RGL3: variants seen among roughly 807,000 people sequenced by gnomAD.
RGL3 encodes the protein ral guanine nucleotide dissociation stimulator-like 3.
Under a neutral mutation model 90.6 loss-of-function variants are expected in RGL3, and 85 were observed. The observed-to-expected ratio is 0.94, with a 90% CI of 0.79 to 1.12. The LOEUF (loss-of-function observed/expected upper bound fraction) is 1.12. Ranked by LOEUF, RGL3 falls within the 50% of genes most tolerant of loss-of-function variation. The pLI is 0.00. For missense variants in RGL3, 1,034 were observed against 939.2 expected (o/e 1.10, Z -1.32); for synonymous variants, 408 against 385.5 (o/e 1.06, Z -0.68).
intron 5 of RGL3, among the ~76,000 whole-genome samples, chr19:11,411,760 C>A (rs556429081): frequency 2.2e-4 from 34 of 152,162 alleles, no homozygotes; most frequent in Middle Eastern, 6.8e-3. Flanking sequence ...GCAGCTGGGA[C>A]TATAGGCAGT....
intron 9 of RGL3, among the ~76,000 whole-genome samples, chr19:11,403,758 G>A (rs1968722585): frequency 1.3e-5 from 2 of 152,108 alleles, no homozygotes. Context: ...ATGAGAGGTG[G>A]GGCTTGTGGG....
At chr19:11,408,886 G>A (rs1426666250) in intron 5 of RGL3, 1 of 151,996 alleles carries the variant, frequency 6.6e-6, no homozygotes, top group African/African-American at 2.4e-5. Flanking sequence ...CTTTAAGAAA[G>A]GAAGAAGGGG....
chr19:11,397,533 A>T lies in RGL3; in HGVS notation c.1811T>A (p.Ile604Asn). Residue 604 changes from isoleucine to asparagine, a missense_variant, in exon 17 of 19, where the codon ATC becomes AAC. By Grantham distance (149) the Ile-to-Asn change is moderately radical. Transcript: ENST00000380456. ...CGAGCTCTGCTGCGCCGGGAGGGGG[A>T]TTCGAGGGCTGCCCAGAGGCAAAGC... ...PFALPLGSPR[I>N]PLPAQQSSEA... 6.2e-7 allele frequency: 1 copy of T among 1,612,198 alleles called. No homozygotes were observed. The highest frequency in any genetic ancestry group is 8.5e-7 in the Non-Finnish European group (1 of 1,179,294).
Position 11,397,244 on chromosome 19 carries a change from C to A in RGL3, c.2014G>T (p.Val672Leu). Residue 672 changes from valine to leucine, a missense_variant and splice_region_variant, in exon 18 of 19, where the codon GTG becomes TTG. Physicochemically the swap from Val to Leu is conservative, Grantham distance 32. Transcript: ENST00000380456. ...QLFQVLPGDR[V>L]LLIPDNANVF... ...TGAGCTCCAACCCATCCCTGCTCAC[C>A]CCGGTCCCCAGGAAGGACTTGAAAG... 1 of 1,613,674 alleles carries A rather than the reference C, an allele frequency of 6.2e-7. No homozygotes were observed. The highest frequency in any genetic ancestry group is 1.1e-5 in the South Asian group (1 of 91,048).
rs759030377 is a variant in RGL3, at chr19:11,397,486, T to G, written c.1858A>C (p.Ser620Arg). The change falls in exon 17 of 19, where the codon AGC (serine) becomes CGC (arginine). Residue 620 changes from serine to arginine, a missense_variant. Transcript: ENST00000380456. ...AGGTTCCCGTGGTCATTGTCGATGCTGACGCGGATGACACGGGCCTCCGAG... is the reference window on the plus strand; with the variant it reads ...AGGTTCCCGTGGTCATTGTCGATGCGGACGCGGATGACACGGGCCTCCGAG... Reference protein sequence around the residue: ...QSSEARVIRVSIDNDHGNLYR... With the variant: ...QSSEARVIRVRIDNDHGNLYR... The G allele has an allele frequency of 6.2e-7, 1 of 1,613,430 alleles. No individual in the cohort carries two copies. Among genetic ancestry groups the G allele is most frequent in the East Asian group, 2.2e-5 (1 of 44,850 alleles).
rs544300968 is a variant in RGL3, at chr19:11,394,189, G to A, written c.*213C>T. ...CCTCTTTCTACATTTATGGGATTGA[G>A]CTCTCCACCAGCCACCCATGGGCTG... On this transcript the variant is annotated 3_prime_UTR_variant, in exon 19 of 19. Transcript: ENST00000380456. 1 of 536,850 alleles carries A rather than the reference G, an allele frequency of 1.9e-6. No homozygotes were observed. Among genetic ancestry groups the A allele is most frequent in the East Asian group, 3.2e-5 (1 of 31,464 alleles). 33.3% of individuals were successfully genotyped at this position (536,850 alleles called of 1,614,324 possible). A position where few individuals can be genotyped will look rare whatever the true frequency, so the allele number is the denominator to read the frequency against.
chr19:11,407,389 A>T (rs905065629), intron 5 of RGL3, among the ~76,000 whole-genome samples: 9 of 151,992 alleles, frequency 5.9e-5, no homozygotes, highest in Admixed American at 1.3e-4. Flanking sequence ...CCAGTGAGGG[A>T]GGTACTATTA....
At chr19:11,398,959 G>A (rs528321308) in intron 16 of RGL3, among the ~76,000 whole-genome samples, 3 of 152,190 alleles carry the variant, frequency 2.0e-5, no homozygotes, top group East Asian at 3.9e-4. Flanking sequence ...GTGAGCCACC[G>A]TGCCCAGTCT....
At chr19:11,413,934 G>A (rs1032679269) in intron 5 of RGL3, among the ~76,000 whole-genome samples, 1 of 148,246 alleles carries the variant, frequency 6.7e-6, no homozygotes, top group African/African-American at 2.5e-5. Flanking sequence ...TTTTAGTAGA[G>A]ACGGGGTTTC....
intron 5 of RGL3, among the ~76,000 whole-genome samples, chr19:11,412,109 C>T (rs1211960103): frequency 2.0e-5 from 3 of 151,840 alleles, no homozygotes; most frequent in Admixed American, 2.0e-4. Context: ...GAGAAACCCC[C>T]CTCTCTACTA....
chr19:11,405,559 C>T lies in RGL3; in HGVS notation c.997-133G>A, dbSNP rs1369138694. ...TTTTTTGAGAGATAGGGTCTGTGGCCCAGGCTGGAGTGCAGTGGCTCGATC... is the reference window on the plus strand; with the variant it reads ...TTTTTTGAGAGATAGGGTCTGTGGCTCAGGCTGGAGTGCAGTGGCTCGATC... On this transcript the variant is annotated intron_variant, in intron 7 of 18. Transcript: ENST00000380456. 1.7e-5 allele frequency: 12 copies of T among 726,736 alleles called. 1 individual carries two copies. The Admixed American group carries it at 3.3e-4, about 20-fold the overall frequency. The allele number at this position is 726,736 out of a possible 1,614,324, so 45.0% of individuals were successfully genotyped here.
At position 11,405,435 on chromosome 19, in the gene RGL3, C is replaced by A; in HGVS notation, c.997-9G>T. 7.4e-7 allele frequency: 1 copy of A among 1,352,620 alleles called. No homozygotes were observed. The highest frequency in any genetic ancestry group is 1.6e-5 in the African/African-American group (1 of 64,490). The allele number at this position is 1,352,620 out of a possible 1,614,324, so 83.8% of individuals were successfully genotyped here. A position where few individuals can be genotyped will look rare whatever the true frequency, so the allele number is the denominator to read the frequency against. ...CGCAGTTCTCGGCAGCGCTGCCAGGCGGTGGGGACGCAGGTCAGACCCAGG... is the reference window on the plus strand; with the variant it reads ...CGCAGTTCTCGGCAGCGCTGCCAGGAGGTGGGGACGCAGGTCAGACCCAGG... On this transcript the variant is annotated splice_polypyrimidine_tract_variant and intron_variant, in intron 7 of 18. Transcript: ENST00000380456.
rs1968524110 is a variant in RGL3, at chr19:11,394,112, TCTAA to T, written c.*286_*289del. 1 of 342,616 alleles carries T rather than the reference TCTAA, an allele frequency of 2.9e-6. No homozygotes were observed. Among genetic ancestry groups the T allele is most frequent in the Admixed American group, 4.2e-5 (1 of 23,718 alleles). 21.2% of individuals were successfully genotyped at this position (342,616 alleles called of 1,614,324 possible). A position where few individuals can be genotyped will look rare whatever the true frequency, so the allele number is the denominator to read the frequency against. On this transcript the variant is annotated 3_prime_UTR_variant, in exon 19 of 19. Transcript: ENST00000380456. ...CCGCATCTGTCACTTCTGATGCGTC[TCTAA>T]CATTTATAAGATTTCTCTGGGGAGG...
chr19:11,394,307 G>A lies in RGL3; in HGVS notation c.*95C>T. 1 of 908,224 alleles carries A rather than the reference G, an allele frequency of 1.1e-6. No homozygotes were observed. 56.3% of individuals were successfully genotyped at this position (908,224 alleles called of 1,614,324 possible). A position where few individuals can be genotyped will look rare whatever the true frequency, so the allele number is the denominator to read the frequency against. On this transcript the variant is annotated 3_prime_UTR_variant, in exon 19 of 19. Coordinates refer to ENST00000380456, the MANE Select transcript of RGL3 (RefSeq NM_001035223.4). ...TTGGGTGGTGGTCCTGGGATACACA[G>A]CACAGTGGCCTCTACTGGGGGATGG...
At chr19:11,414,806 A>G (rs1300412665) in intron 5 of RGL3, among the ~76,000 whole-genome samples, 4 of 151,752 alleles carry the variant, frequency 2.6e-5, no homozygotes, top group Admixed American at 2.0e-4. Flanking sequence ...CCTCTCATGC[A>G]CTCACAGCCT....
rs374123475 is a variant in RGL3 at position 11,406,879 on chromosome 19, G to C, written c.638-15C>G. 1.2e-6 allele frequency: 2 copies of C among 1,609,954 alleles called. No homozygotes were observed. Among genetic ancestry groups the C allele is most frequent in the Non-Finnish European group, 1.7e-6 (2 of 1,178,194 alleles). ...TCTGGGAGGTCCTGATCATTAGAAAGGGTTACAAACTCTCAAGTTTGAATC... is the reference window on the plus strand; with the variant it reads ...TCTGGGAGGTCCTGATCATTAGAAACGGTTACAAACTCTCAAGTTTGAATC... On this transcript the variant is annotated splice_polypyrimidine_tract_variant and intron_variant, in intron 5 of 18. Transcript: ENST00000380456.
chr19:11,416,043 C>G lies in RGL3; in HGVS notation c.531G>C (p.Trp177Cys), dbSNP rs552862234. The G allele has an allele frequency of 1.2e-6, 2 of 1,613,910 alleles. No individual in the cohort carries two copies. The highest frequency in any genetic ancestry group is 4.5e-5 in the East Asian group (2 of 44,844). The change falls in exon 5 of 19, where the codon TGG (tryptophan) becomes TGC (cysteine). Residue 177 changes from tryptophan (W) to cysteine (C), a missense_variant. By Grantham distance (215) the Trp-to-Cys change is radical. Transcript: ENST00000380456. ...GAGCCTCAGCACTCCCTGGGGCCGC[C>G]CAGCCCAGAAAGGTTCGGACACTGC... ...DLGSVRTFLG[W>C]AAPGSAEAQK...
intron 16 of RGL3, among the ~76,000 whole-genome samples, chr19:11,398,013 A>C (rs1968608964): frequency 6.6e-6 from 1 of 152,062 alleles, no homozygotes. Context: ...CATCTCAAAA[A>C]TAAATAAATA....
chr19:11,416,165 G>A lies in RGL3; in HGVS notation c.426-17C>T. On this transcript the variant is annotated splice_polypyrimidine_tract_variant and intron_variant, in intron 4 of 18. Coordinates refer to ENST00000380456, the MANE Select transcript of RGL3 (RefSeq NM_001035223.4). ...ACCACAGCCCTGGCCAGAGAGGCAG[G>A]GTCTCAGAGCTGGGTCCAGAGTGGG... is the stretch of plus-strand genomic sequence containing the variant. 1.3e-6 allele frequency: 2 copies of A among 1,516,424 alleles called. No individual in the cohort carries two copies. Among genetic ancestry groups the A allele is most frequent in the Non-Finnish European group, 1.8e-6 (2 of 1,135,718 alleles). The allele number at this position is 1,516,424 out of a possible 1,614,324, so 93.9% of individuals were successfully genotyped here.
Sources: allele counts gnomAD v4.1 joint callset (sites outside exome capture counted in the v4.1 genomes callset), GRCh38; gene constraint gnomAD v4.1.1; transcripts MANE v1.5; gene names NCBI Gene and HGNC (gene_info 2026-07-23, HGNC 2026-07-21).